Variants in NGEF observed in about 807,000 individuals in gnomAD.
NGEF encodes the protein neuronal guanine nucleotide exchange factor, also known as ephexin-1.
A neutral mutation model predicts 80.9 loss-of-function variants in NGEF; 31 were observed. That is an observed-to-expected ratio of 0.38 (90% confidence interval 0.29 to 0.52). The LOEUF is 0.52. Ranked by LOEUF, NGEF falls within the 20% of genes least tolerant of loss-of-function variation. The pLI, the probability that NGEF is intolerant of heterozygous loss-of-function variation, is 0.84. For missense variants in NGEF, 709 were observed against 926.2 expected, an observed-to-expected ratio of 0.77 and a Z score of 3.04; for synonymous variants, 371 against 370.2, an observed-to-expected ratio of 1.00 and a Z score of -0.03.
At chr2:232,945,905 G>GA (rs913023513) in intron 3 of NGEF, among the ~76,000 whole-genome samples, 3 of 151,238 alleles carry the variant, frequency 2.0e-5, no homozygotes, top group African/African-American at 4.9e-5. Context: ...CAACATGTAC[G>GA]AAAAAAAATA....
intron 3 of NGEF, among the ~76,000 whole-genome samples, chr2:232,935,642 G>A (rs1471084372): frequency 6.6e-6 from 1 of 151,974 alleles, no homozygotes; most frequent in African/African-American, 2.4e-5. Flanking sequence ...AGAAACTGAA[G>A]ACCACATAGC....
chr2:232,952,640 A>G (rs1453506827), intron 3 of NGEF, among the ~76,000 whole-genome samples: 1 of 152,086 alleles, frequency 6.6e-6, no homozygotes, highest in African/African-American at 2.4e-5. Context: ...GGGGGTATCT[A>G]TTTTCTGACT....
At chr2:232,983,027 G>A (rs1430031591) in intron 1 of NGEF, among the ~76,000 whole-genome samples, 1 of 152,244 alleles carries the variant, frequency 6.6e-6, no homozygotes, top group African/African-American at 2.4e-5. Flanking sequence ...TGGAAAAGGT[G>A]GAGAAGCCAA....
At chr2:232,902,963 C>T (rs922986215) in intron 5 of NGEF, among the ~76,000 whole-genome samples, 1 of 152,006 alleles carries the variant, frequency 6.6e-6, no homozygotes, top group Admixed American at 6.6e-5. Context: ...CACTGCACTC[C>T]AGCATAAGTG....
At chr2:232,931,563 C>T (rs1272192671) in intron 3 of NGEF, among the ~76,000 whole-genome samples, 2 of 152,148 alleles carry the variant, frequency 1.3e-5, no homozygotes, top group Non-Finnish European at 2.9e-5. Context: ...TATGAGAAAA[C>T]ATTCAGAAGA....
chr2:232,894,732 G>A, intron 6 of NGEF, 24 bp downstream of exon 6: 1 of 1,537,416 alleles, frequency 6.5e-7, no homozygotes, highest in Non-Finnish European at 8.9e-7. Context: ...CCCTGAGGGA[G>A]GTGGCTGTCC....
At chr2:233,011,239 T>C (rs1351069746) in intron 1 of NGEF, among the ~76,000 whole-genome samples, 4 of 151,740 alleles carry the variant, frequency 2.6e-5, no homozygotes, top group Non-Finnish European at 5.9e-5. Flanking sequence ...ACACATACAC[T>C]GTGCACAGCA....
intron 5 of NGEF, among the ~76,000 whole-genome samples, chr2:232,900,001 CTCACAG>C (rs1280797286): frequency 7.0e-6 from 1 of 142,698 alleles, no homozygotes. Context: ...CACACACGCT[CTCACAG>C]TCACTCATAT....
intron 1 of NGEF, among the ~76,000 whole-genome samples, chr2:233,003,855 C>T (rs1039486359): frequency 3.9e-5 from 6 of 152,196 alleles, no homozygotes; most frequent in Non-Finnish European, 8.8e-5. Flanking sequence ...GTTCAAATCA[C>T]ATGTACCCGA....
Position 232,962,348 on chromosome 2 carries a change from T to C in NGEF, c.383+7866A>G, listed in dbSNP as rs189761564. Among the ~76,000 whole-genome samples the C allele has an allele frequency of 4.8e-3, 730 of 151,260 alleles. 12 individuals are homozygous for C. Among genetic ancestry groups the C allele is most frequent in the African/African-American group, 0.017 (709 of 40,652 alleles). On this transcript the variant is annotated intron_variant, in intron 3 of 14. Coordinates refer to ENST00000264051, the MANE Select transcript of NGEF (RefSeq NM_019850.3). The stretch of plus-strand genomic sequence containing the variant: ...GATCAGGCGTTCAAGACCAGCCTGG[T>C]CAACATGGTGAAACCCTGTCTCTAC...
At chr2:233,003,000 G>C (rs1695012297) in intron 1 of NGEF, among the ~76,000 whole-genome samples, 1 of 152,210 alleles carries the variant, frequency 6.6e-6, no homozygotes, top group South Asian at 2.1e-4. Flanking sequence ...GGGGTGCAGA[G>C]TGTGTGTTTG....
chr2:232,888,338 ATGCACACCTGCAAGCAGTG>A (rs1289041797), intron 8 of NGEF, among the ~76,000 whole-genome samples: 11 of 150,636 alleles, frequency 7.3e-5, no homozygotes, highest in Admixed American at 1.3e-4. Context: ...CATGCACATG[ATGCACACCTGCAAGCAGTG>A]TGCACACATG....
intron 3 of NGEF, among the ~76,000 whole-genome samples, chr2:232,945,038 C>A (rs1489510608): frequency 1.3e-5 from 2 of 151,964 alleles, no homozygotes; most frequent in African/African-American, 4.8e-5. Context: ...AGGCATGAGC[C>A]ACCACGCCTG....
intron 5 of NGEF, among the ~76,000 whole-genome samples, chr2:232,904,595 T>C (rs915102485): frequency 1.3e-5 from 2 of 152,268 alleles, no homozygotes; most frequent in Non-Finnish European, 2.9e-5. Context: ...TCTCAAACAG[T>C]AACTAAAACA....
chr2:233,000,539 C>T (rs6740383), intron 1 of NGEF, among the ~76,000 whole-genome samples: 32,913 of 151,880 alleles, frequency 0.22, 4,005 homozygotes, highest in Non-Finnish European at 0.28. Context: ...GGGTGGATCA[C>T]GAGGTCAGGA....
chr2:232,973,147 T>C (rs1694228387), intron 2 of NGEF, among the ~76,000 whole-genome samples: 1 of 152,142 alleles, frequency 6.6e-6, no homozygotes, highest in African/African-American at 2.4e-5. Flanking sequence ...ATGCTTTGCC[T>C]TTATCTCTCC....
In NGEF at chr2:232,931,548, C is replaced by A. The variant is rs150659315; in HGVS notation, c.384-4362G>T. On this transcript the variant is annotated intron_variant, in intron 3 of 14. Coordinates refer to ENST00000264051, the MANE Select transcript of NGEF (RefSeq NM_019850.3). ...AAGAATCCTCAGCCTTTCCGTATTA[C>A]AAGCTATGAGAAAACATTCAGAAGA... Among the ~76,000 whole-genome samples, 719 of 152,276 alleles carry A rather than the reference C, an allele frequency of 4.7e-3. 8 individuals are homozygous for A. Among genetic ancestry groups the A allele is most frequent in the African/African-American group, 0.017 (695 of 41,542 alleles).
At chr2:232,887,716 G>A (rs534071339) in intron 9 of NGEF, among the ~76,000 whole-genome samples, 8 of 152,274 alleles carry the variant, frequency 5.3e-5, no homozygotes, top group Admixed American at 3.9e-4. Flanking sequence ...GTGCATGATC[G>A]CAGAGCTCCA....
Position 232,927,074 on chromosome 2 carries a change from C to T in NGEF, c.496G>A (p.Asp166Asn), listed in dbSNP as rs767845515. Residue 166 changes from aspartate (D) to asparagine (N), a missense_variant, in exon 4 of 15, where the codon GAC becomes AAC. Asp to Asn is a conservative substitution (Grantham distance 23). Transcript: ENST00000264051. ...ALRMIHPIPA[D>N]SWRNLIEQIG... ...TGTTCAATGAGGTTTCTCCAGGAGT[C>T]GGCGGGAATGGGGTGGATCATCCGC... 6.2e-7 allele frequency: 1 copy of T among 1,613,988 alleles called. No individual in the cohort carries two copies. The highest frequency in any genetic ancestry group is 8.5e-7 in the Non-Finnish European group (1 of 1,179,988).
Sources: allele counts gnomAD v4.1 joint callset (sites outside exome capture counted in the v4.1 genomes callset), GRCh38; gene constraint gnomAD v4.1.1; transcripts MANE v1.5; gene names NCBI Gene and HGNC (gene_info 2026-07-23, HGNC 2026-07-21).